DLGAP2: variants seen among roughly 807,000 people sequenced by gnomAD.
DLGAP2 encodes disks large-associated protein 2.
In DLGAP2, 26 loss-of-function variants were observed where a neutral mutation model predicts 100.3. The observed-to-expected ratio is 0.26, with a 90% CI of 0.19 to 0.36. The LOEUF (loss-of-function observed/expected upper bound fraction) is 0.36. Among genes scored for constraint, DLGAP2 ranks in the 10% least tolerant of loss-of-function variants. The probability of loss-of-function intolerance (pLI) is 1.00; values close to 1 mark genes in which losing one functional copy is unlikely to be tolerated. For synonymous variants in DLGAP2, 886 were observed against 630.1 expected (o/e 1.41, Z -6.08); for missense variants, 1,858 against 1,453.2 (o/e 1.28, Z -4.53).
At chr8:996,556 A>G (rs1800789716) in intron 2 of DLGAP2, among the ~76,000 whole-genome samples, 1 of 152,188 alleles carries the variant, frequency 6.6e-6, no homozygotes, top group South Asian at 2.1e-4. Flanking sequence ...TCCGTGAGTG[A>G]GGCTGTTTGT....
intron 3 of DLGAP2, among the ~76,000 whole-genome samples, chr8:1,492,926 GCCCTCCA>G (rs1799433957): frequency 6.6e-6 from 1 of 152,054 alleles, no homozygotes; most frequent in Admixed American, 6.6e-5. Context: ...ATGTCAACCC[GCCCTCCA>G]CCCTCCACTG....
chr8:951,044 T>C (rs964678487), intron 2 of DLGAP2, among the ~76,000 whole-genome samples: 4 of 152,234 alleles, frequency 2.6e-5, no homozygotes, highest in Non-Finnish European at 5.9e-5. Flanking sequence ...TTTCTTCACA[T>C]AGACCATGTA....
At chr8:778,944 C>T (rs1821608749) in intron 1 of DLGAP2, among the ~76,000 whole-genome samples, 1 of 152,252 alleles carries the variant, frequency 6.6e-6, no homozygotes, top group South Asian at 2.1e-4. Flanking sequence ...CCCAGCCTCG[C>T]TGCCACCTTG....
At chr8:1,652,558 A>T (rs1335902086) in intron 8 of DLGAP2, among the ~76,000 whole-genome samples, 7 of 152,220 alleles carry the variant, frequency 4.6e-5, no homozygotes, top group Admixed American at 2.6e-4. Flanking sequence ...AGTTTCCAGG[A>T]GAGCAGAGAC....
chr8:1,592,050 C>T (rs568260262), intron 6 of DLGAP2, among the ~76,000 whole-genome samples: 5 of 152,264 alleles, frequency 3.3e-5, no homozygotes, highest in Non-Finnish European at 7.3e-5. Flanking sequence ...AGTGAGTATC[C>T]AGTCTCATTT....
chr8:1,084,397 A>G (rs1272155956), intron 2 of DLGAP2, among the ~76,000 whole-genome samples: 1 of 152,250 alleles, frequency 6.6e-6, no homozygotes, highest in Non-Finnish European at 1.5e-5. Flanking sequence ...TGAGAACATT[A>G]GAAATTTACT....
chr8:1,383,481 G>C (rs552800997), intron 3 of DLGAP2, among the ~76,000 whole-genome samples: 13 of 152,200 alleles, frequency 8.5e-5, no homozygotes, highest in Non-Finnish European at 1.8e-4. Context: ...CACGGATGTG[G>C]AGGCTGATAG....
At chr8:1,364,197 G>T (rs982721758) in intron 3 of DLGAP2, among the ~76,000 whole-genome samples, 56 of 152,326 alleles carry the variant, frequency 3.7e-4, no homozygotes, top group African/African-American at 1.3e-3. Context: ...GTACAGAGGG[G>T]AGGGGCGGAC....
intron 1 of DLGAP2, among the ~76,000 whole-genome samples, chr8:767,431 G>A (rs1821244200): frequency 7.1e-6 from 1 of 141,358 alleles, no homozygotes; most frequent in Non-Finnish European, 1.5e-5. Flanking sequence ...ACTCGGTCTT[G>A]GCTCACTGCA....
At chr8:1,464,188 A>AGCTCCCTTCCAGGACG (rs2130167298) in intron 3 of DLGAP2, among the ~76,000 whole-genome samples, 1 of 74,176 alleles carries the variant, frequency 1.3e-5, no homozygotes, top group Admixed American at 1.6e-4. Flanking sequence ...CGTCCAGGAC[A>AGCTCCCTTCCAGGACG]GCTCCCTTCC....
chr8:1,322,555 C>T (rs948395819), intron 3 of DLGAP2, among the ~76,000 whole-genome samples: 1 of 152,122 alleles, frequency 6.6e-6, no homozygotes, highest in Non-Finnish European at 1.5e-5. Flanking sequence ...CTGCATCCTG[C>T]TTCTGTGATT....
At chr8:1,602,977 C>G (rs182751553) in intron 6 of DLGAP2, among the ~76,000 whole-genome samples, 1 of 152,180 alleles carries the variant, frequency 6.6e-6, no homozygotes, top group Non-Finnish European at 1.5e-5. Flanking sequence ...CTCAGTTCTG[C>G]AGAGGCTGGA....
intron 2 of DLGAP2, among the ~76,000 whole-genome samples, chr8:1,178,809 C>T (rs577486254): frequency 2.3e-4 from 35 of 152,310 alleles, no homozygotes; most frequent in African/African-American, 7.7e-4. Flanking sequence ...CTGTGCCCAC[C>T]GCCAGCATCT....
rs796119518 is a variant in DLGAP2 at position 1,617,834 on chromosome 8, C to G, written c.1443-8906C>G. On this transcript the variant is annotated intron_variant, in intron 6 of 14. Transcript: ENST00000637795. ...CTCAATGTTAAAAATATTTGATTAA[C>G]CCAAAAGAAAGCAAAAAGAAATCAG... Among the ~76,000 whole-genome samples, 33 of 152,130 alleles carry G rather than the reference C, an allele frequency of 2.2e-4. 1 individual carries two copies. The highest frequency in any genetic ancestry group is 8.0e-4 in the African/African-American group (33 of 41,484).
At chr8:1,305,206 T>A (rs551343187) in intron 3 of DLGAP2, among the ~76,000 whole-genome samples, 1 of 152,296 alleles carries the variant, frequency 6.6e-6, no homozygotes, top group South Asian at 2.1e-4. Flanking sequence ...GTTTCCTCCT[T>A]TAAAAAATGA....
intron 6 of DLGAP2, among the ~76,000 whole-genome samples, chr8:1,596,379 T>C (rs973827106): frequency 7.2e-5 from 11 of 152,238 alleles, no homozygotes; most frequent in Admixed American, 3.3e-4. Flanking sequence ...ATCCTTTGGG[T>C]ATATACCCAG....
At chr8:765,750 T>C (rs534806033) in intron 1 of DLGAP2, among the ~76,000 whole-genome samples, 1 of 152,278 alleles carries the variant, frequency 6.6e-6, no homozygotes, top group East Asian at 1.9e-4. Context: ...ATGTCTGTCT[T>C]TCCCACTGTG....
chr8:1,250,300 T>A (rs1799009762), intron 2 of DLGAP2: 1 of 152,224 alleles, frequency 6.6e-6, no homozygotes, highest in East Asian at 1.9e-4. Context: ...AGCTCACAGT[T>A]TGTCTCCAGA....
intron 1 of DLGAP2, among the ~76,000 whole-genome samples, chr8:898,806 C>T (rs889608467): frequency 7.9e-5 from 12 of 152,164 alleles, no homozygotes; most frequent in African/African-American, 2.7e-4. Flanking sequence ...GGTCACTCTC[C>T]CGTGTAAAAT....
Sources: allele counts gnomAD v4.1 joint callset (sites outside exome capture counted in the v4.1 genomes callset), GRCh38; gene constraint gnomAD v4.1.1; transcripts MANE v1.5; gene names NCBI Gene and HGNC (gene_info 2026-07-23, HGNC 2026-07-21).